The following NCOA1 variants were observed in gnomAD, a reference collection of about 807,000 sequenced individuals.
NCOA1 encodes nuclear receptor coactivator 1, also known as Hin-2 protein.
In NCOA1, 35 loss-of-function variants were observed where a neutral mutation model predicts 150.9. That is an observed-to-expected ratio of 0.23 (90% CI 0.18 to 0.31). NCOA1 has a LOEUF of 0.31. Among genes scored for constraint, NCOA1 ranks in the 10% least tolerant of loss-of-function variants. The pLI, the probability that NCOA1 is intolerant of heterozygous loss-of-function variation, is 1.00. For synonymous variants in NCOA1, 590 were observed against 630.0 expected (o/e 0.94, Z 0.95); for missense variants, 1,491 against 1,749.3 (o/e 0.85, Z 2.63).
intron 1 of NCOA1, among the ~76,000 whole-genome samples, chr2:24,562,882 A>G (rs1052811271): frequency 1.3e-5 from 2 of 152,220 alleles, no homozygotes; most frequent in Non-Finnish European, 2.9e-5. Context: ...CAGGTTAGAA[A>G]AAATAGAGTG....
At chr2:24,739,375 A>G in intron 17 of NCOA1, 57 bp from the exon 18 acceptor site, 1 of 1,206,248 alleles carries the variant, frequency 8.3e-7, no homozygotes, top group Non-Finnish European at 1.2e-6. Context: ...TTACTTTATA[A>G]GGCCCGTGTT....
intron 1 of NCOA1, among the ~76,000 whole-genome samples, chr2:24,497,312 C>T (rs1663262707): frequency 6.6e-6 from 1 of 151,792 alleles, no homozygotes; most frequent in Non-Finnish European, 1.5e-5. Context: ...GTTGTGGAGA[C>T]TCCTGCAGTC....
At chr2:24,637,529 A>G (rs898518877) in intron 3 of NCOA1, among the ~76,000 whole-genome samples, 5 of 151,916 alleles carry the variant, frequency 3.3e-5, no homozygotes, top group Non-Finnish European at 5.9e-5. Flanking sequence ...TGATGAGTTC[A>G]TGTCCTTTGT....
chr2:24,762,603 CAGTG>C (rs1664842332), intron 21 of NCOA1, 80 bp from the exon 22 acceptor site: 6 of 1,177,054 alleles, frequency 5.1e-6, no homozygotes, highest in Admixed American at 1.8e-5. Context: ...ACTTTTCTGT[CAGTG>C]AGATTGTTTT....
At chr2:24,493,669 A>G (rs114208027) in intron 1 of NCOA1, among the ~76,000 whole-genome samples, 2,131 of 152,078 alleles carry the variant, frequency 0.014, 52 homozygotes, top group African/African-American at 0.049. Context: ...TATATAGACA[A>G]TGCTTCTTCC....
chr2:24,618,306 CTT>C (rs1008758731), intron 3 of NCOA1, among the ~76,000 whole-genome samples: 2 of 152,212 alleles, frequency 1.3e-5, no homozygotes, highest in African/African-American at 4.8e-5. Context: ...AGCCTCTTGA[CTT>C]TGCTGCTCAG....
intron 3 of NCOA1, among the ~76,000 whole-genome samples, chr2:24,599,186 T>C (rs575373025): frequency 2.0e-5 from 3 of 152,136 alleles, no homozygotes; most frequent in Non-Finnish European, 4.4e-5. Context: ...TTTACCAAGA[T>C]GGGCAAGTGG....
chr2:24,741,965 G>T lies in NCOA1; in HGVS notation c.3485G>T (p.Gly1162Val). 1 of 1,614,142 alleles carries T rather than the reference G, an allele frequency of 6.2e-7. No homozygotes were observed. ...VQMGNPRLPQ[G>V]APQQFPYPPN... ...ATGGGGAACCCCCGTCTTCCTCAGG[G>T]TGCTCCACAGCAATTCCCCTATCCA... is the stretch of plus-strand genomic sequence containing the variant. The change falls in exon 19 of 23, where the codon GGT becomes GTT. Residue 1162 changes from glycine to valine, a missense_variant. Transcript: ENST00000348332.
intron 11 of NCOA1, 49 bp downstream of exon 11, chr2:24,697,847 T>C (rs780467900): frequency 1.3e-6 from 2 of 1,538,306 alleles, no homozygotes; most frequent in South Asian, 1.2e-5. Context: ...TCTTTACTGA[T>C]ATTTGAATAG....
chr2:24,759,746 C>T (rs544260900), intron 21 of NCOA1, among the ~76,000 whole-genome samples: 8 of 151,950 alleles, frequency 5.3e-5, no homozygotes, highest in South Asian at 2.1e-4. Context: ...TATTATATCA[C>T]CTCTATATCA....
At position 24,515,448 on chromosome 2, in the gene NCOA1, C is replaced by T. The variant is rs143309404; in HGVS notation, c.-396+23846C>T. Among the ~76,000 whole-genome samples the T allele has an allele frequency of 1.8e-3, 279 of 152,116 alleles. 2 individuals are homozygous for T. Among genetic ancestry groups the T allele is most frequent in the African/African-American group, 5.3e-3 (221 of 41,478 alleles). On this transcript the variant is annotated intron_variant, in intron 1 of 22. Transcript: ENST00000348332. The stretch of plus-strand genomic sequence containing the variant: ...ATGGGTTCTCACTATGTTGCCCAGG[C>T]TGGTCTCAAAACTCTTGGGCTCAAG...
intron 8 of NCOA1, among the ~76,000 whole-genome samples, chr2:24,690,763 G>A (rs746836619): frequency 6.6e-6 from 1 of 150,506 alleles, no homozygotes. Context: ...GCTACCACAC[G>A]TGGTTTTTAC....
intron 3 of NCOA1, among the ~76,000 whole-genome samples, chr2:24,613,848 G>A (rs56069639): frequency 0.014 from 2,122 of 152,312 alleles, 50 homozygotes; most frequent in African/African-American, 0.049. Flanking sequence ...ATCTGCCTGG[G>A]TGTGAAGCAG....
At chr2:24,757,945 G>C (rs1022718441) in intron 20 of NCOA1, 28 bp from the exon 21 acceptor site, 8 of 1,609,308 alleles carry the variant, frequency 5.0e-6, no homozygotes, top group Non-Finnish European at 6.8e-6. Flanking sequence ...ATCAGTGGAT[G>C]TAATCTGGAT....
intron 3 of NCOA1, among the ~76,000 whole-genome samples, chr2:24,597,725 T>C (rs528349487): frequency 2.0e-5 from 3 of 152,336 alleles, no homozygotes; most frequent in South Asian, 2.1e-4. Flanking sequence ...GGCCTACTCA[T>C]ATTATGAAAG....
chr2:24,618,955 G>T (rs1174236860), intron 3 of NCOA1, among the ~76,000 whole-genome samples: 1 of 152,090 alleles, frequency 6.6e-6, no homozygotes, highest in South Asian at 2.1e-4. Flanking sequence ...TAGGAAAGAG[G>T]AGACAATTTA....
chr2:24,662,255 A>G (rs1671216394), intron 5 of NCOA1, among the ~76,000 whole-genome samples: 1 of 152,204 alleles, frequency 6.6e-6, no homozygotes, highest in Admixed American at 6.5e-5. Context: ...GTGGAGTGAG[A>G]TATCTCATAT....
intron 3 of NCOA1, among the ~76,000 whole-genome samples, chr2:24,634,708 A>ACCCCCCCCCCCCCCCCCCCCC (rs530645429): frequency 2.5e-5 from 1 of 39,716 alleles, no homozygotes; most frequent in Non-Finnish European, 4.3e-5. Flanking sequence ...TAGGGGAGGA[A>ACCCCCCCCCCCCCCCCCCCCC]CCCCCCCCCC....
At chr2:24,520,967 T>C (rs1045960707) in intron 1 of NCOA1, among the ~76,000 whole-genome samples, 2 of 152,106 alleles carry the variant, frequency 1.3e-5, no homozygotes, top group African/African-American at 4.8e-5. Flanking sequence ...TAGGAGAATT[T>C]GCTTTAGCTT....
Sources: allele counts gnomAD v4.1 joint callset (sites outside exome capture counted in the v4.1 genomes callset), GRCh38; gene constraint gnomAD v4.1.1; transcripts MANE v1.5; gene names NCBI Gene and HGNC (gene_info 2026-07-23, HGNC 2026-07-21).